GRM3: variants seen among roughly 807,000 people sequenced by gnomAD.
GRM3 encodes the protein metabotropic glutamate receptor 3.
Under a neutral mutation model 70.5 loss-of-function variants are expected in GRM3, and 26 were observed. The ratio of observed to expected loss-of-function variants is 0.37; its 90% CI spans 0.27 to 0.51. The LOEUF (loss-of-function observed/expected upper bound fraction) is 0.51. GRM3 is among the 20% of genes least tolerant of loss of function. The pLI is 0.93. For missense variants in GRM3, 859 were observed against 1,123.8 expected (o/e 0.76, Z 3.37); for synonymous variants, 443 against 434.9 (o/e 1.02, Z -0.23).
In GRM3 at chr7:86,839,521, C is replaced by A; in HGVS notation, c.2007C>A (p.Ile669=). Residue 669 remains isoleucine, a synonymous_variant, in exon 4 of 6, where the codon ATC becomes ATA. Transcript: ENST00000361669. This position sits in a 1 kb window ranked among gnomAD's most constrained non-coding sequence, Gnocchi z 4.5. The part of the protein sequence containing the change: ...LLTKTNCIAR[I]FDGVKNGAQR... Reference sequence around the variant, plus strand: ...CCAAGACAAACTGCATTGCCCGCATCTTCGATGGGGTCAAGAATGGCGCTC... The same window carrying A: ...CCAAGACAAACTGCATTGCCCGCATATTCGATGGGGTCAAGAATGGCGCTC... The A allele has an allele frequency of 6.2e-7, 1 of 1,607,458 alleles. No individual in the cohort carries two copies. The highest frequency in any genetic ancestry group is 8.5e-7 in the Non-Finnish European group (1 of 1,176,326).
intron 4 of GRM3, among the ~76,000 whole-genome samples, chr7:86,840,941 G>A (rs1798547221): frequency 6.6e-6 from 1 of 152,090 alleles, no homozygotes; most frequent in South Asian, 2.1e-4. Context: ...AGTTAGATAG[G>A]AAGAATAATT....
intron 1 of GRM3, among the ~76,000 whole-genome samples, chr7:86,688,354 A>G (rs1168752129): frequency 6.6e-6 from 1 of 151,708 alleles, no homozygotes; most frequent in Non-Finnish European, 1.5e-5. Flanking sequence ...GGTTAAATTA[A>G]CAGTGAAAAA....
At chr7:86,714,686 T>C (rs951012190) in intron 1 of GRM3, among the ~76,000 whole-genome samples, 7 of 152,036 alleles carry the variant, frequency 4.6e-5, no homozygotes, top group Non-Finnish European at 8.8e-5. Context: ...ATTATCTACA[T>C]AGCTAATCCC....
rs1028901746 is a variant in GRM3, at chr7:86,846,550, A to C, written c.2392-3820A>C. Reference sequence around the variant, plus strand: ...AGTACTAGTTATTAGAATCAAGTGAATCTGAATCCAAATGGGGAGGAAATT... The same window carrying C: ...AGTACTAGTTATTAGAATCAAGTGACTCTGAATCCAAATGGGGAGGAAATT... On this transcript the variant is annotated intron_variant, in intron 4 of 5. Coordinates refer to ENST00000361669, the MANE Select transcript of GRM3 (RefSeq NM_000840.3). Among the ~76,000 whole-genome samples, 2 of 152,150 alleles carry C rather than the reference A, an allele frequency of 1.3e-5. 1 individual carries two copies. The highest frequency in any genetic ancestry group is 2.9e-5 in the Non-Finnish European group (2 of 68,012).
chr7:86,693,154 G>T (rs1794732676), intron 1 of GRM3, among the ~76,000 whole-genome samples: 1 of 152,168 alleles, frequency 6.6e-6, no homozygotes, highest in Non-Finnish European at 1.5e-5. Context: ...TTGATAGCTT[G>T]CTCTATGTGA....
chr7:86,863,919 T>C lies in GRM3; in HGVS notation c.2567-363T>C, dbSNP rs1336936995. Among the ~76,000 whole-genome samples, 5 of 152,284 alleles carry C rather than the reference T, an allele frequency of 3.3e-5. No individual in the cohort carries two copies. In the East Asian group the frequency reaches 9.6e-4, roughly 29 times the overall value. Reference sequence around the variant, plus strand: ...GGTATGTTCCAGGTTGCAAACTAATTTGGAGCAGAACATATTTAGAAATTG... The same window carrying C: ...GGTATGTTCCAGGTTGCAAACTAATCTGGAGCAGAACATATTTAGAAATTG... On this transcript the variant is annotated intron_variant, in intron 5 of 5. Coordinates refer to ENST00000361669, the MANE Select transcript of GRM3 (RefSeq NM_000840.3).
At chr7:86,745,437 A>C (rs185220635) in intron 1 of GRM3, among the ~76,000 whole-genome samples, 55 of 152,188 alleles carry the variant, frequency 3.6e-4, no homozygotes, top group African/African-American at 1.3e-3. Flanking sequence ...TCTTACTTAA[A>C]CATCTGGGAA....
chr7:86,752,766 G>T (rs1029977635), intron 1 of GRM3, among the ~76,000 whole-genome samples: 5 of 152,032 alleles, frequency 3.3e-5, no homozygotes, highest in African/African-American at 1.2e-4. Context: ...TTGGACACCA[G>T]AATTTTAGGA....
At chr7:86,768,122 C>T (rs1796652317) in intron 2 of GRM3, among the ~76,000 whole-genome samples, 1 of 151,994 alleles carries the variant, frequency 6.6e-6, no homozygotes, top group Admixed American at 6.6e-5. Context: ...CCAACTACAC[C>T]GTTTTCTGGT....
chr7:86,713,571 C>G (rs74494239), intron 1 of GRM3, among the ~76,000 whole-genome samples: 5,097 of 152,010 alleles, frequency 0.034, 98 homozygotes, highest in East Asian at 0.064. Context: ...CTCCCTACCC[C>G]CCGTCAAACC....
At chr7:86,765,747 T>A (rs1212062039) in intron 2 of GRM3, 134 bp downstream of exon 2, 11 of 760,170 alleles carry the variant, frequency 1.4e-5, no homozygotes, top group Non-Finnish European at 2.2e-5. Context: ...TTTCTAGTTA[T>A]AATTTGATAA....
chr7:86,660,128 G>A (rs780236597), intron 1 of GRM3, among the ~76,000 whole-genome samples: 6 of 152,026 alleles, frequency 3.9e-5, no homozygotes, highest in Non-Finnish European at 7.4e-5. Context: ...AAAGAAAGAG[G>A]TCCTGAGGAG....
At chr7:86,858,942 C>A (rs1325002332) in intron 5 of GRM3, among the ~76,000 whole-genome samples, 1 of 152,148 alleles carries the variant, frequency 6.6e-6, no homozygotes, top group East Asian at 1.9e-4. Context: ...GAAGCAGTCA[C>A]TGAGAATTCA....
At chr7:86,772,792 AAT>A (rs1796779960) in intron 2 of GRM3, among the ~76,000 whole-genome samples, 1 of 152,110 alleles carries the variant, frequency 6.6e-6, no homozygotes, top group Non-Finnish European at 1.5e-5. Context: ...CTATCACTAG[AAT>A]AGTAAAAATG....
intron 3 of GRM3, among the ~76,000 whole-genome samples, chr7:86,808,813 A>G (rs1353776889): frequency 6.6e-6 from 1 of 152,058 alleles, no homozygotes; most frequent in East Asian, 1.9e-4. Flanking sequence ...GGTGTGAGCC[A>G]CCTGTTTAAT....
At chr7:86,737,005 C>A (rs1240637599) in intron 1 of GRM3, among the ~76,000 whole-genome samples, 1 of 151,670 alleles carries the variant, frequency 6.6e-6, no homozygotes, top group East Asian at 1.9e-4. Context: ...CCTACATCAC[C>A]AGTCCTAGGG....
At chr7:86,783,969 A>G (rs1029835713) in intron 2 of GRM3, among the ~76,000 whole-genome samples, 3 of 152,114 alleles carry the variant, frequency 2.0e-5, no homozygotes, top group Non-Finnish European at 2.9e-5. Context: ...CTCATTAAAC[A>G]CACACACACA....
In GRM3 at chr7:86,767,415, A is replaced by G. The variant is rs1274970141; in HGVS notation, c.468+1802A>G. 2.6e-5 allele frequency among the ~76,000 whole-genome samples: 4 copies of G among 151,006 alleles called. No individual in the cohort carries two copies. In the East Asian group the frequency reaches 7.8e-4, roughly 30 times the overall value. On this transcript the variant is annotated intron_variant, in intron 2 of 5. Transcript: ENST00000361669. ...TAGATGGATAGAAAATATTGCACAT[A>G]TGAAAGCACATCATGTTAATTTTGC... is the stretch of plus-strand genomic sequence containing the variant.
At chr7:86,703,264 C>T (rs1794986137) in intron 1 of GRM3, among the ~76,000 whole-genome samples, 1 of 151,910 alleles carries the variant, frequency 6.6e-6, no homozygotes, top group Non-Finnish European at 1.5e-5. Context: ...GGTTAAGAAC[C>T]ATTTCACAAT....
Sources: allele counts gnomAD v4.1 joint callset (sites outside exome capture counted in the v4.1 genomes callset), GRCh38; gene constraint gnomAD v4.1.1; non-coding constraint Gnocchi (gnomAD v3.1); transcripts MANE v1.5; gene names NCBI Gene and HGNC (gene_info 2026-07-23, HGNC 2026-07-21).